TMEM39B: variants seen among roughly 807,000 people sequenced by gnomAD.
TMEM39B encodes transmembrane protein 39B.
Under a neutral mutation model 52.2 loss-of-function variants are expected in TMEM39B, and 23 were observed. That is an observed-to-expected ratio of 0.44 (90% CI 0.32 to 0.62). The LOEUF (loss-of-function observed/expected upper bound fraction) is 0.62. Ranked by LOEUF, TMEM39B falls within the 20% of genes least tolerant of loss-of-function variation. TMEM39B has a pLI of 0.06. For missense variants in TMEM39B, 547 were observed against 642.0 expected, an observed-to-expected ratio of 0.85 and a Z score of 1.60; for synonymous variants, 285 against 264.0, an observed-to-expected ratio of 1.08 and a Z score of -0.77.
chr1:32,099,649 A>C (rs1443117098), intron 7 of TMEM39B, among the ~76,000 whole-genome samples: 6 of 152,174 alleles, frequency 3.9e-5, no homozygotes, highest in Non-Finnish European at 8.8e-5. Context: ...AACGAGAAAC[A>C]GCATGAGCTG....
At chr1:32,095,172 T>C (rs1640768320) in intron 7 of TMEM39B, among the ~76,000 whole-genome samples, 1 of 152,236 alleles carries the variant, frequency 6.6e-6, no homozygotes, top group Non-Finnish European at 1.5e-5. Context: ...TGCAGTGTAC[T>C]GAAGATGGGA....
Position 32,091,658 on chromosome 1 carries a change from A to G in TMEM39B, c.591-17A>G. On this transcript the variant is annotated splice_polypyrimidine_tract_variant and intron_variant, in intron 5 of 8. Coordinates refer to ENST00000336294, the MANE Select transcript of TMEM39B (RefSeq NM_018056.4). The stretch of plus-strand genomic sequence containing the variant: ...GCCCATGGGCAGGCCTTCCCTCACC[A>G]CCGTCTTCCCCAGCAGGTTTGGGAT... 6 of 1,569,144 alleles carry G rather than the reference A, an allele frequency of 3.8e-6. No homozygotes were observed. Among genetic ancestry groups the G allele is most frequent in the Non-Finnish European group, 5.2e-6 (6 of 1,153,928 alleles).
chr1:32,072,677 G>A (rs1267795310), upstream of TMEM39B, among the ~76,000 whole-genome samples: 3 of 152,236 alleles, frequency 2.0e-5, no homozygotes, highest in Non-Finnish European at 4.4e-5. Flanking sequence ...GGAGCGGAGA[G>A]GCGGCTCCGC....
At chr1:32,085,791 C>G (rs116070129) in intron 5 of TMEM39B, among the ~76,000 whole-genome samples, 3 of 151,172 alleles carry the variant, frequency 2.0e-5, no homozygotes, top group African/African-American at 7.3e-5. Flanking sequence ...TCAATTTTGT[C>G]TTTTCACTGG....
rs113300673 is a variant in TMEM39B at position 32,081,190 on chromosome 1, A to ATTTGTTTG, written c.590+3892_590+3899dup. 4.1e-3 allele frequency among the ~76,000 whole-genome samples: 608 copies of ATTTGTTTG among 150,076 alleles called. 6 individuals carry two copies. The highest frequency in any genetic ancestry group is 0.013 in the African/African-American group (549 of 40,830). On this transcript the variant is annotated intron_variant, in intron 5 of 8. Transcript: ENST00000336294. ...TCTCTTTTACTTTCTGGGTTTTTTTATTTGTTTGTTTGTTTGTTTGTTTGT... is the reference window on the plus strand; with the variant it reads ...TCTCTTTTACTTTCTGGGTTTTTTTATTTGTTTGTTTGTTTGTTTGTTTGTTTGTTTGT...
intron 4 of TMEM39B, 43 bp downstream of exon 4, chr1:32,076,889 CT>C: frequency 6.2e-7 from 1 of 1,601,120 alleles, no homozygotes; most frequent in Non-Finnish European, 8.6e-7. Context: ...TGGGATTCCC[CT>C]TTTCCCCTGG....
rs753168503 is a variant in TMEM39B, at chr1:32,094,959, T to G, written c.1103T>G (p.Val368Gly). Residue 368 changes from valine to glycine, a missense_variant, in exon 7 of 9, where the codon GTG (valine) becomes GGG (glycine). Transcript: ENST00000336294. The stretch of plus-strand genomic sequence containing the variant: ...GTGGACCCAGCGCTGTGCTCCAACG[T>G]GCTGCAGCACCCGTGAGTCACCCTA... ...QKVDPALCSN[V>G]LQHPWTEECM... 29 of 1,613,288 alleles carry G rather than the reference T, an allele frequency of 1.8e-5. No individual in the cohort carries two copies. Among genetic ancestry groups the G allele is most frequent in the South Asian group, 1.5e-4 (14 of 91,084 alleles).
chr1:32,098,265 A>C (rs2124499263), intron 7 of TMEM39B, among the ~76,000 whole-genome samples: 1 of 151,910 alleles, frequency 6.6e-6, no homozygotes, highest in East Asian at 2.0e-4. Context: ...GCCTCCCCAA[A>C]GTGCTGGAAT....
chr1:32,099,605 G>A (rs1640942740), intron 7 of TMEM39B, among the ~76,000 whole-genome samples: 1 of 152,162 alleles, frequency 6.6e-6, no homozygotes, highest in African/African-American at 2.4e-5. Flanking sequence ...GAGCAGCTTA[G>A]GGAGAGACGT....
intron 5 of TMEM39B, among the ~76,000 whole-genome samples, chr1:32,088,403 C>T (rs1475397283): frequency 6.6e-6 from 1 of 151,946 alleles, no homozygotes; most frequent in Non-Finnish European, 1.5e-5. Flanking sequence ...GGTGACAGAG[C>T]CAGACTCCGT....
intron 5 of TMEM39B, among the ~76,000 whole-genome samples, chr1:32,085,280 T>C (rs1291669910): frequency 6.6e-6 from 1 of 151,948 alleles, no homozygotes; most frequent in Admixed American, 6.6e-5. Flanking sequence ...CCTATATTTC[T>C]CTAATATTTA....
intron 7 of TMEM39B, among the ~76,000 whole-genome samples, chr1:32,095,396 G>A (rs1640774244): frequency 6.6e-6 from 1 of 152,280 alleles, no homozygotes; most frequent in African/African-American, 2.4e-5. Flanking sequence ...CTTTGACTTA[G>A]GCCCAGCGGA....
At chr1:32,085,801 G>A (rs1382919793) in intron 5 of TMEM39B, among the ~76,000 whole-genome samples, 2 of 151,920 alleles carry the variant, frequency 1.3e-5, no homozygotes, top group African/African-American at 2.4e-5. Context: ...CTTTTCACTG[G>A]GGTCAATTTT....
chr1:32,085,458 A>G (rs1380953203), intron 5 of TMEM39B, among the ~76,000 whole-genome samples: 1 of 152,122 alleles, frequency 6.6e-6, no homozygotes, highest in Non-Finnish European at 1.5e-5. Context: ...CTTGTTTTAA[A>G]AATCTCTTAT....
chr1:32,090,219 TAG>T (rs1640546827), intron 5 of TMEM39B, among the ~76,000 whole-genome samples: 1 of 152,032 alleles, frequency 6.6e-6, no homozygotes, highest in Non-Finnish European at 1.5e-5. Flanking sequence ...ATTACTTTTC[TAG>T]ACTATGGGCC....
chr1:32,073,536 G>T, intron 1 of TMEM39B: 2 of 996,968 alleles, frequency 2.0e-6, no homozygotes, highest in African/African-American at 1.7e-5. Flanking sequence ...GCTGACAGTT[G>T]TGTGTAGGCG....
At chr1:32,091,579 C>G (rs1640603808) in intron 5 of TMEM39B, 96 bp from the exon 6 acceptor site, 1 of 1,396,466 alleles carries the variant, frequency 7.2e-7, no homozygotes, top group African/African-American at 1.4e-5. Flanking sequence ...GCCAGGAGAG[C>G]TGAGGCCCAG....
intron 8 of TMEM39B, 47 bp from the exon 9 acceptor site, chr1:32,102,383 AG>A (rs1277677678): frequency 1.3e-6 from 2 of 1,579,560 alleles, no homozygotes; most frequent in Non-Finnish European, 1.7e-6. Context: ...TCCAGGAGGA[AG>A]ATTTCTGGAG....
intron 3 of TMEM39B, 33 bp downstream of exon 3, chr1:32,075,855 T>C (rs1200895861): frequency 3.0e-6 from 4 of 1,328,768 alleles, no homozygotes; most frequent in Non-Finnish European, 3.1e-6. Context: ...TGTGTGTGTG[T>C]GTGTGTGTGC....
Sources: gnomAD v4.1 joint callset for allele counts (sites outside exome capture counted in the v4.1 genomes callset) on GRCh38, gnomAD v4.1.1 for gene constraint, MANE v1.5 for transcripts, NCBI Gene and HGNC (gene_info 2026-07-23, HGNC 2026-07-21) for gene names.